The following MYT1L variants were observed in gnomAD, a reference collection of about 807,000 sequenced individuals.
The protein encoded by MYT1L is myelin transcription factor 1 like, also known as myelin transcription factor 1-like protein.
In MYT1L, 12 loss-of-function variants were observed where a neutral mutation model predicts 126.7. The observed-to-expected ratio is 0.09, with a 90% CI of 0.06 to 0.15. The LOEUF is 0.15. Ranked by LOEUF, MYT1L falls within the 10% of genes least tolerant of loss-of-function variation. The pLI, the probability that MYT1L is intolerant of heterozygous loss-of-function variation, is 1.00. For missense variants in MYT1L, 979 were observed against 1,585.2 expected, an observed-to-expected ratio of 0.62 and a Z score of 6.49; for synonymous variants, 541 against 604.2, an observed-to-expected ratio of 0.90 and a Z score of 1.53.
At chr2:2,280,177 T>C (rs530033507) in intron 2 of MYT1L, among the ~76,000 whole-genome samples, 1 of 152,334 alleles carries the variant, frequency 6.6e-6, no homozygotes, top group East Asian at 1.9e-4. Context: ...AAGTTTTTCT[T>C]CCCATAAGGA....
chr2:2,153,076 T>G (rs917251696), intron 3 of MYT1L, among the ~76,000 whole-genome samples: 1 of 151,520 alleles, frequency 6.6e-6, no homozygotes, highest in African/African-American at 2.4e-5. Context: ...GGTGGGAGGG[T>G]TGCTTGAGGC....
At chr2:2,149,392 T>C (rs1390769622) in intron 3 of MYT1L, among the ~76,000 whole-genome samples, 3 of 152,214 alleles carry the variant, frequency 2.0e-5, no homozygotes, top group Non-Finnish European at 4.4e-5. Context: ...AGGCACTGCA[T>C]GGAGATTATC....
intron 2 of MYT1L, among the ~76,000 whole-genome samples, chr2:2,212,781 C>G (rs1185831897): frequency 6.6e-6 from 1 of 152,128 alleles, no homozygotes; most frequent in Non-Finnish European, 1.5e-5. Flanking sequence ...AAACAAATAT[C>G]TTGAATTAGG....
intron 4 of MYT1L, among the ~76,000 whole-genome samples, chr2:2,025,139 G>A (rs1462831517): frequency 1.3e-5 from 2 of 152,208 alleles, no homozygotes; most frequent in African/African-American, 4.8e-5. Flanking sequence ...GCCCTGGATG[G>A]AGGGTAGGAG....
intron 2 of MYT1L, among the ~76,000 whole-genome samples, chr2:2,250,889 C>T (rs759364606): frequency 9.2e-5 from 14 of 151,878 alleles, no homozygotes; most frequent in Non-Finnish European, 1.6e-4. Context: ...TTTAAAGATC[C>T]TACTCTTTAA....
chr2:1,917,311 G>A lies in MYT1L; in HGVS notation c.1512C>T (p.Ser504=), dbSNP rs148988262. 2,282 of 1,612,832 alleles carry A rather than the reference G, an allele frequency of 1.4e-3. 2 individuals are homozygous for A. Among genetic ancestry groups the A allele is most frequent in the Non-Finnish European group, 1.8e-3 (2,105 of 1,179,010 alleles). Residue 504 remains serine, a synonymous_variant, in exon 11 of 25, where the codon AGC becomes AGT. Coordinates refer to ENST00000647738, the MANE Select transcript of MYT1L (RefSeq NM_001303052.2). The surrounding 1 kb of genome is among the most constrained non-coding windows in gnomAD (Gnocchi z 5.9). ...KDPSRTEKKE[S]KCPTPGCDGT... ...CATCACACCCGGGGGTTGGACACTT[G>A]CTCTCTTTCTTTTCTGTTCTTGAGG...
intron 8 of MYT1L, among the ~76,000 whole-genome samples, chr2:1,968,385 T>C (rs917165407): frequency 6.6e-6 from 1 of 152,212 alleles, no homozygotes; most frequent in African/African-American, 2.4e-5. Flanking sequence ...GTATTATTTA[T>C]GAATAAAATT....
rs147981637 is a variant in MYT1L at position 2,171,756 on chromosome 2, A to G, written c.-304+1116T>C. 1.1e-4 allele frequency among the ~76,000 whole-genome samples: 16 copies of G among 152,314 alleles called. 2 individuals are homozygous for G. Among genetic ancestry groups the G allele is most frequent in the African/African-American group, 3.6e-4 (15 of 41,574 alleles). On this transcript the variant is annotated intron_variant, in intron 3 of 24. Transcript: ENST00000647738. ...AGGGTATAGATGAGAAAATAATTAG[A>G]ACAACTGTGACCTATTACAGCAGTT...
intron 8 of MYT1L, among the ~76,000 whole-genome samples, chr2:1,957,776 G>A (rs533652741): frequency 6.6e-6 from 1 of 152,234 alleles, no homozygotes; most frequent in African/African-American, 2.4e-5. Context: ...TCTCTCTGCT[G>A]ATTCCTCAGA....
intron 8 of MYT1L, among the ~76,000 whole-genome samples, chr2:1,955,968 T>C (rs1422390534): frequency 1.3e-5 from 2 of 152,228 alleles, no homozygotes; most frequent in Admixed American, 6.5e-5. Context: ...TAGAGCTTAA[T>C]ATGACTGCTT....
At chr2:2,158,204 T>C (rs561534864) in intron 3 of MYT1L, among the ~76,000 whole-genome samples, 1 of 151,562 alleles carries the variant, frequency 6.6e-6, no homozygotes, top group Admixed American at 6.6e-5. Flanking sequence ...CAATATCAGT[T>C]AGACTAACTT....
chr2:1,939,159 C>G (rs760452504), intron 9 of MYT1L, among the ~76,000 whole-genome samples: 1 of 152,216 alleles, frequency 6.6e-6, no homozygotes, highest in Non-Finnish European at 1.5e-5. Flanking sequence ...CCCTGTGCCA[C>G]GCAGGATGGG....
intron 8 of MYT1L, among the ~76,000 whole-genome samples, chr2:1,965,847 A>T (rs1467169732): frequency 6.6e-6 from 1 of 152,230 alleles, no homozygotes; most frequent in Non-Finnish European, 1.5e-5. Context: ...GCAGCGGACA[A>T]GGGACTCAGG....
intron 14 of MYT1L, among the ~76,000 whole-genome samples, chr2:1,897,443 A>G (rs2049744035): frequency 6.7e-6 from 1 of 149,154 alleles, no homozygotes; most frequent in Non-Finnish European, 1.5e-5. Context: ...TCTTTTCGCA[A>G]ACAAAACTTT....
At chr2:2,072,779 G>T (rs1476566526) in intron 3 of MYT1L, among the ~76,000 whole-genome samples, 1 of 152,122 alleles carries the variant, frequency 6.6e-6, no homozygotes, top group African/African-American at 2.4e-5. Flanking sequence ...GTTCCTACTC[G>T]TCCTTCTCTC....
intron 3 of MYT1L, among the ~76,000 whole-genome samples, chr2:2,112,563 C>G (rs1352153689): frequency 1.3e-5 from 2 of 152,152 alleles, no homozygotes; most frequent in South Asian, 2.1e-4. Context: ...CAGGCAATCC[C>G]CATTACAGCT....
chr2:2,054,111 A>G lies in MYT1L; in HGVS notation c.-291T>C, dbSNP rs1040011683. On this transcript the variant is annotated 5_prime_UTR_variant, in exon 4 of 25. Coordinates refer to ENST00000647738, the MANE Select transcript of MYT1L (RefSeq NM_001303052.2). ...AACTACATTTTTTTCTTCTTCCACC[A>G]GATGTGGCCACTCTAGAGAAGAACA... 2 of 152,674 alleles carry G rather than the reference A, an allele frequency of 1.3e-5. No homozygotes were observed. Among genetic ancestry groups the G allele is most frequent in the Non-Finnish European group, 2.9e-5 (2 of 68,044 alleles). 9.5% of individuals were successfully genotyped at this position (152,674 alleles called of 1,614,324 possible).
At chr2:1,955,155 A>T (rs1048418548) in intron 8 of MYT1L, among the ~76,000 whole-genome samples, 1 of 150,696 alleles carries the variant, frequency 6.6e-6, no homozygotes, top group Admixed American at 6.6e-5. Flanking sequence ...AAAAAAAAAA[A>T]ATATGATTCT....
chr2:2,203,462 T>C (rs934764725), intron 2 of MYT1L, among the ~76,000 whole-genome samples: 18 of 150,972 alleles, frequency 1.2e-4, no homozygotes, highest in East Asian at 3.9e-4. Context: ...TTCCTCTACA[T>C]CAATAAGAGA....
Sources: allele counts gnomAD v4.1 joint callset (sites outside exome capture counted in the v4.1 genomes callset), GRCh38; gene constraint gnomAD v4.1.1; non-coding constraint Gnocchi (gnomAD v3.1); transcripts MANE v1.5; gene names NCBI Gene and HGNC (gene_info 2026-07-23, HGNC 2026-07-21).